DENND1A: variants seen among roughly 807,000 people sequenced by gnomAD.
DENND1A encodes the protein DENN domain-containing protein 1A.
A neutral mutation model predicts 113.7 loss-of-function variants in DENND1A; 51 were observed. The observed-to-expected ratio is 0.45, with a 90% CI of 0.36 to 0.57. The LOEUF (loss-of-function observed/expected upper bound fraction) is 0.57, where lower values mean the gene tolerates loss of function less well. DENND1A is among the 20% of genes least tolerant of loss of function. DENND1A has a pLI of 0.00. For missense variants in DENND1A, 1,258 were observed against 1,395.9 expected (o/e 0.90, Z 1.57); for synonymous variants, 565 against 570.8 (o/e 0.99, Z 0.14).
At chr9:123,893,975 C>G (rs951850350) in intron 1 of DENND1A, among the ~76,000 whole-genome samples, 1 of 152,156 alleles carries the variant, frequency 6.6e-6, no homozygotes, top group Non-Finnish European at 1.5e-5. Context: ...TCTCTCACCC[C>G]CTTACAAAGC....
At chr9:123,745,083 A>G (rs1472713852) in intron 5 of DENND1A, among the ~76,000 whole-genome samples, 2 of 151,936 alleles carry the variant, frequency 1.3e-5, no homozygotes, top group African/African-American at 4.8e-5. Flanking sequence ...GCCTACTTAT[A>G]TTATCTCTAA....
intron 12 of DENND1A, among the ~76,000 whole-genome samples, chr9:123,569,179 T>C (rs2136297147): frequency 6.6e-6 from 1 of 152,284 alleles, no homozygotes; most frequent in Admixed American, 6.5e-5. Flanking sequence ...TATGTAGCAG[T>C]TGTGAAAAAG....
chr9:123,550,104 C>A (rs17213608), intron 13 of DENND1A, among the ~76,000 whole-genome samples: 22,084 of 152,146 alleles, frequency 0.15, 1,668 homozygotes, highest in Admixed American at 0.19. Flanking sequence ...CTGCGTCCTC[C>A]AGGGGTTTTA....
intron 2 of DENND1A, among the ~76,000 whole-genome samples, chr9:123,875,332 C>T (rs1486283683): frequency 6.6e-6 from 1 of 152,062 alleles, no homozygotes; most frequent in Non-Finnish European, 1.5e-5. Context: ...ATTTACAGGG[C>T]TTAGGCAAGG....
At chr9:123,654,813 G>A (rs1326543303) in intron 8 of DENND1A, among the ~76,000 whole-genome samples, 1 of 152,192 alleles carries the variant, frequency 6.6e-6, no homozygotes, top group African/African-American at 2.4e-5. Context: ...ACCCGCCTGA[G>A]CGGGTGGGAG....
Position 123,381,360 on chromosome 9 carries a change from G to A in DENND1A, c.*72C>T, listed in dbSNP as rs1280370291. 31 of 1,390,884 alleles carry A rather than the reference G, an allele frequency of 2.2e-5. No individual in the cohort carries two copies. The highest frequency in any genetic ancestry group is 1.7e-4 in the East Asian group (7 of 40,388). The allele number at this position is 1,390,884 out of a possible 1,614,324, so 86.2% of individuals were successfully genotyped here. ...AGAACCTGGGCAGAGAGAGAGTGGC[G>A]GGGGAGCCTCGGAACCGCAGCAGTG... On this transcript the variant is annotated 3_prime_UTR_variant, in exon 24 of 24. Transcript: ENST00000394215. This position sits in a 1 kb window ranked among gnomAD's most constrained non-coding sequence, Gnocchi z 4.7.
intron 16 of DENND1A, among the ~76,000 whole-genome samples, chr9:123,453,629 G>C (rs2047898537): frequency 6.6e-6 from 1 of 152,192 alleles, no homozygotes. Context: ...TAAAAAAACT[G>C]ATTCGTATGG....
At chr9:123,800,365 T>G (rs1268070994) in intron 2 of DENND1A, among the ~76,000 whole-genome samples, 1 of 152,222 alleles carries the variant, frequency 6.6e-6, no homozygotes, top group African/African-American at 2.4e-5. Context: ...ACCATTGCCA[T>G]AGGTGGCTTA....
At chr9:123,526,617 T>C (rs2054871464) in intron 13 of DENND1A, among the ~76,000 whole-genome samples, 1 of 152,228 alleles carries the variant, frequency 6.6e-6, no homozygotes, top group African/African-American at 2.4e-5. Flanking sequence ...CAAGACTTTC[T>C]AATGGCTAAA....
chr9:123,687,784 C>T (rs2064905048), intron 5 of DENND1A, among the ~76,000 whole-genome samples: 1 of 152,216 alleles, frequency 6.6e-6, no homozygotes, highest in South Asian at 2.1e-4. Context: ...TTGCTTCACT[C>T]TGCCATGGGA....
intron 13 of DENND1A, among the ~76,000 whole-genome samples, chr9:123,538,984 T>C (rs1271131162): frequency 6.6e-6 from 1 of 151,458 alleles, no homozygotes; most frequent in Non-Finnish European, 1.5e-5. Context: ...TGCTTTGGCT[T>C]GTATGAACGC....
intron 3 of DENND1A, 137 bp downstream of exon 3, chr9:123,792,450 G>T: frequency 1.2e-6 from 1 of 859,990 alleles, no homozygotes; most frequent in Admixed American, 2.9e-5. Flanking sequence ...TTTACTTTTT[G>T]TCTTTGGTTC....
chr9:123,765,646 T>C (rs945349566), intron 4 of DENND1A, among the ~76,000 whole-genome samples: 2 of 152,334 alleles, frequency 1.3e-5, no homozygotes, highest in South Asian at 2.1e-4. Context: ...AGCTTTTCCA[T>C]CATCCAATGC....
intron 3 of DENND1A, among the ~76,000 whole-genome samples, chr9:123,778,434 C>T (rs923472308): frequency 1.2e-4 from 19 of 152,150 alleles, no homozygotes; most frequent in Non-Finnish European, 1.8e-4. Context: ...AATGTGTTCT[C>T]CTGATTCAAC....
intron 10 of DENND1A, among the ~76,000 whole-genome samples, chr9:123,617,375 G>A (rs2060706492): frequency 6.6e-6 from 1 of 152,194 alleles, no homozygotes; most frequent in African/African-American, 2.4e-5. Context: ...GGGCACTGGA[G>A]ATGGTTTGCT....
intron 13 of DENND1A, among the ~76,000 whole-genome samples, chr9:123,500,514 CA>C (rs1179472702): frequency 6.6e-6 from 1 of 152,202 alleles, no homozygotes; most frequent in Non-Finnish European, 1.5e-5. Flanking sequence ...AACTCCTACT[CA>C]TCCCTTAAAA....
chr9:123,846,003 G>A (rs781177037), intron 2 of DENND1A, among the ~76,000 whole-genome samples: 5 of 152,092 alleles, frequency 3.3e-5, no homozygotes, highest in Non-Finnish European at 5.9e-5. Flanking sequence ...AATATATAAA[G>A]GACCCTTATA....
intron 9 of DENND1A, among the ~76,000 whole-genome samples, chr9:123,645,061 T>C (rs2062239928): frequency 6.6e-6 from 1 of 152,202 alleles, no homozygotes; most frequent in Non-Finnish European, 1.5e-5. Context: ...TTATCATTTA[T>C]AAAGGAAAAC....
At chr9:123,662,210 T>G (rs1343775192) in intron 8 of DENND1A, among the ~76,000 whole-genome samples, 2 of 152,214 alleles carry the variant, frequency 1.3e-5, no homozygotes, top group Non-Finnish European at 2.9e-5. Context: ...TGGAGAAACA[T>G]CTTCAAAGTT....
Sources: gnomAD v4.1 joint callset for allele counts (sites outside exome capture counted in the v4.1 genomes callset) on GRCh38, gnomAD v4.1.1 for gene constraint, Gnocchi (gnomAD v3.1) non-coding constraint, MANE v1.5 for transcripts, NCBI Gene and HGNC (gene_info 2026-07-23, HGNC 2026-07-21) for gene names.